Variants in NRXN1 observed in about 807,000 individuals in gnomAD.
NRXN1 encodes the protein neurexin-1.
NRXN1 carries 39 observed loss-of-function variants against 150.9 expected under a neutral mutation model. That is an observed-to-expected ratio of 0.26 (90% CI 0.20 to 0.34). NRXN1 has a LOEUF of 0.34. Among genes scored for constraint, NRXN1 ranks in the 10% least tolerant of loss-of-function variants. The pLI is 1.00. For missense variants in NRXN1, 1,815 were observed against 1,949.9 expected, an observed-to-expected ratio of 0.93 and a Z score of 1.30; for synonymous variants, 924 against 757.0, an observed-to-expected ratio of 1.22 and a Z score of -3.62.
intron 17 of NRXN1, among the ~76,000 whole-genome samples, chr2:50,310,725 G>A (rs1434498645): frequency 6.6e-6 from 1 of 152,036 alleles, no homozygotes; most frequent in African/African-American, 2.4e-5. Flanking sequence ...CTTAAAATAT[G>A]TCTAGGTATA....
intron 15 of NRXN1, among the ~76,000 whole-genome samples, chr2:50,490,409 C>T (rs2091182773): frequency 6.6e-6 from 1 of 152,112 alleles, no homozygotes; most frequent in African/African-American, 2.4e-5. Context: ...CTTTCAAGTT[C>T]AAAAAGCTAC....
At chr2:50,721,686 C>A (rs974087137) in intron 5 of NRXN1, among the ~76,000 whole-genome samples, 4 of 152,082 alleles carry the variant, frequency 2.6e-5, no homozygotes, top group African/African-American at 9.7e-5. Context: ...GTTATACTTA[C>A]CACTTGCTAT....
At chr2:50,378,230 T>G (rs2080673342) in intron 17 of NRXN1, among the ~76,000 whole-genome samples, 1 of 152,170 alleles carries the variant, frequency 6.6e-6, no homozygotes, top group African/African-American at 2.4e-5. Flanking sequence ...TTCATAGGCA[T>G]ACATGTTTAC....
intron 5 of NRXN1, among the ~76,000 whole-genome samples, chr2:50,784,879 G>A (rs976237479): frequency 1.3e-5 from 2 of 152,078 alleles, no homozygotes; most frequent in African/African-American, 4.8e-5. Context: ...CTCCAGGGGC[G>A]TCTGAAAGGG....
rs531286275 is a variant in NRXN1 at position 50,415,980 on chromosome 2, A to G, written c.3364+49462T>C. 4.7e-5 allele frequency among the ~76,000 whole-genome samples: 7 copies of G among 148,356 alleles called. No homozygotes were observed. The South Asian group carries it at 1.3e-3, about 27-fold the overall frequency. On this transcript the variant is annotated intron_variant, in intron 17 of 22. Transcript: ENST00000401669. ...CAAAAAAAAAAAAAAAAAAGCTTGG[A>G]CTAGTACCATTGATTTGTTCATTCA...
intron 21 of NRXN1, among the ~76,000 whole-genome samples, chr2:49,959,181 A>G (rs1675489374): frequency 6.6e-6 from 1 of 152,082 alleles, no homozygotes. Context: ...CTAAATTTCT[A>G]TTTTCCAAGA....
chr2:50,834,634 C>A (rs1369559455), intron 5 of NRXN1, among the ~76,000 whole-genome samples: 1 of 152,178 alleles, frequency 6.6e-6, no homozygotes, highest in Admixed American at 6.5e-5. Context: ...TAGATAACCA[C>A]TGGCAAATTA....
intron 8 of NRXN1, among the ~76,000 whole-genome samples, chr2:50,601,591 G>T (rs531670447): frequency 1.1e-4 from 16 of 152,342 alleles, no homozygotes; most frequent in African/African-American, 3.8e-4. Context: ...TGGATGGGAA[G>T]AGTGGTGACA....
At chr2:50,102,615 A>G (rs1701122715) in intron 18 of NRXN1, among the ~76,000 whole-genome samples, 1 of 152,076 alleles carries the variant, frequency 6.6e-6, no homozygotes. Flanking sequence ...TGTAGCATAT[A>G]CAGCATGCTA....
chr2:50,779,763 G>C (rs969339240), intron 5 of NRXN1, among the ~76,000 whole-genome samples: 1 of 151,538 alleles, frequency 6.6e-6, no homozygotes, highest in African/African-American at 2.4e-5. Context: ...GCCGGACTCC[G>C]TCGCAAAAAT....
chr2:50,281,443 G>A (rs2152933259), intron 17 of NRXN1, among the ~76,000 whole-genome samples: 1 of 152,150 alleles, frequency 6.6e-6, no homozygotes, highest in East Asian at 1.9e-4. Context: ...AAAACCCTCT[G>A]CTTGGATTCA....
chr2:50,723,415 T>C (rs1559170355), intron 5 of NRXN1, among the ~76,000 whole-genome samples: 1 of 152,204 alleles, frequency 6.6e-6, no homozygotes. Flanking sequence ...AGTGTTCTGA[T>C]GACTAGCTAC....
intron 5 of NRXN1, among the ~76,000 whole-genome samples, chr2:50,809,793 C>T (rs1296748873): frequency 6.6e-6 from 1 of 152,164 alleles, no homozygotes; most frequent in Non-Finnish European, 1.5e-5. Flanking sequence ...AAACAACTGT[C>T]AGATGGCAAT....
intron 5 of NRXN1, among the ~76,000 whole-genome samples, chr2:50,704,589 C>CTT (rs527876225): frequency 2.1e-5 from 3 of 144,814 alleles, no homozygotes; most frequent in Non-Finnish European, 4.6e-5. Context: ...GGTCATATCA[C>CTT]TTTTTTTTTT....
chr2:49,979,485 GCCTTGAGTATTCT>G (rs56753496), intron 21 of NRXN1, among the ~76,000 whole-genome samples: 14,918 of 152,184 alleles, frequency 0.098, 785 homozygotes, highest in Middle Eastern at 0.21. Context: ...AAAAGAAGAA[GCCTTGAGTATTCT>G]CCTTTCAGAA....
intron 5 of NRXN1, among the ~76,000 whole-genome samples, chr2:50,795,020 T>A (rs188577453): frequency 1.3e-5 from 2 of 152,276 alleles, no homozygotes; most frequent in Non-Finnish European, 2.9e-5. Context: ...TCCATCCTTG[T>A]TTACATTTCC....
In NRXN1 at chr2:50,122,491, T is replaced by A. The variant is rs141890958; in HGVS notation, c.3547-30997A>T. ...AGATCACAAAAGTGCATGGTAACCC[T>A]ATCCCCACTTGCTGTTTTCACAAAA... On this transcript the variant is annotated intron_variant, in intron 18 of 22. Coordinates refer to ENST00000401669, the MANE Select transcript of NRXN1 (RefSeq NM_001330078.2). Among the ~76,000 whole-genome samples, 19 of 152,388 alleles carry A rather than the reference T, an allele frequency of 1.2e-4. 1 individual carries two copies. The highest frequency in any genetic ancestry group is 4.6e-4 in the African/African-American group (19 of 41,598).
chr2:50,882,408 T>C (rs754336505), intron 5 of NRXN1, among the ~76,000 whole-genome samples: 2 of 151,912 alleles, frequency 1.3e-5, no homozygotes, highest in Non-Finnish European at 2.9e-5. Context: ...GTTTAAAATA[T>C]TGCTTTCAGT....
intron 12 of NRXN1, chr2:50,506,916 CTG>C: frequency 3.5e-6 from 1 of 283,192 alleles, no homozygotes; most frequent in Non-Finnish European, 6.7e-6. Flanking sequence ...GTGAATTAAC[CTG>C]CTGTCATAAA....
Sources: allele counts gnomAD v4.1 joint callset (sites outside exome capture counted in the v4.1 genomes callset), GRCh38; gene constraint gnomAD v4.1.1; transcripts MANE v1.5; gene names NCBI Gene and HGNC (gene_info 2026-07-23, HGNC 2026-07-21).